The following CALN1 variants were observed in gnomAD, a reference collection of about 807,000 sequenced individuals.
CALN1 encodes calneuron 1.
A neutral mutation model predicts 30.6 loss-of-function variants in CALN1; 17 were observed. The ratio of observed to expected loss-of-function variants is 0.56; its 90% CI spans 0.38 to 0.83. The LOEUF is 0.83. Among genes scored for constraint, CALN1 ranks in the 40% least tolerant of loss-of-function variants. The pLI is 0.00. For synonymous variants in CALN1, 156 were observed against 131.4 expected (o/e 1.19, Z -1.28); for missense variants, 291 against 354.9 (o/e 0.82, Z 1.45).
intron 3 of CALN1, among the ~76,000 whole-genome samples, chr7:72,250,627 T>C (rs555284424): frequency 1.3e-5 from 2 of 152,166 alleles, no homozygotes; most frequent in South Asian, 2.1e-4. Flanking sequence ...CATGAATGGT[T>C]TGGTGCCCTC....
At chr7:72,096,132 A>G (rs2129540237) in intron 4 of CALN1, among the ~76,000 whole-genome samples, 1 of 152,308 alleles carries the variant, frequency 6.6e-6, no homozygotes, top group South Asian at 2.1e-4. Context: ...TGATTCAGCA[A>G]GTCAGGGGTA....
intron 6 of CALN1, among the ~76,000 whole-genome samples, chr7:71,798,398 T>A (rs1424380009): frequency 6.6e-6 from 1 of 152,094 alleles, no homozygotes; most frequent in Non-Finnish European, 1.5e-5. Context: ...CACTACAGCC[T>A]CAATCTCTTA....
intron 3 of CALN1, among the ~76,000 whole-genome samples, chr7:72,142,169 T>A (rs1374064584): frequency 6.6e-6 from 1 of 152,048 alleles, no homozygotes; most frequent in Non-Finnish European, 1.5e-5. Context: ...CGAAGCAGGG[T>A]GAGGCATCGC....
intron 3 of CALN1, among the ~76,000 whole-genome samples, chr7:72,262,077 T>C (rs1033554254): frequency 2.6e-5 from 4 of 152,182 alleles, no homozygotes; most frequent in African/African-American, 9.7e-5. Context: ...TGTGCTCAAC[T>C]CAAAGAGAGG....
intron 3 of CALN1, among the ~76,000 whole-genome samples, chr7:72,136,410 A>C (rs1364816955): frequency 6.8e-6 from 1 of 146,396 alleles, no homozygotes; most frequent in Non-Finnish European, 1.5e-5. Flanking sequence ...AATTGAAAAG[A>C]GTTGGGGCCT....
At chr7:72,459,170 C>T in the CALN1 span, among the ~76,000 whole-genome samples, 1 of 151,996 alleles carries the variant, frequency 6.6e-6, no homozygotes, top group Non-Finnish European at 1.5e-5. Context: ...TCCCAAAGTG[C>T]TGGGATTACA....
At chr7:71,994,069 C>T (rs1410257210) in intron 5 of CALN1, among the ~76,000 whole-genome samples, 1 of 151,176 alleles carries the variant, frequency 6.6e-6, no homozygotes, top group Non-Finnish European at 1.5e-5. Context: ...AAAAATATGT[C>T]TCTTGAGTAA....
chr7:72,473,113 C>CT, the CALN1 span, among the ~76,000 whole-genome samples: 2 of 150,396 alleles, frequency 1.3e-5, no homozygotes, highest in Non-Finnish European at 2.9e-5. Flanking sequence ...GCAATCTGTT[C>CT]TTTTTGTTTT....
At chr7:72,319,145 A>G (rs1016236857) in intron 2 of CALN1, among the ~76,000 whole-genome samples, 1 of 152,216 alleles carries the variant, frequency 6.6e-6, no homozygotes, top group African/African-American at 2.4e-5. Flanking sequence ...GTGTCCATCA[A>G]TCGAGGACTG....
intron 5 of CALN1, among the ~76,000 whole-genome samples, chr7:71,847,993 T>G (rs886433518): frequency 6.6e-6 from 1 of 152,146 alleles, no homozygotes; most frequent in African/African-American, 2.4e-5. Context: ...AATCTCCTTT[T>G]CTTTATAAAT....
chr7:72,247,184 G>C (rs1395990637), intron 3 of CALN1, among the ~76,000 whole-genome samples: 3 of 147,520 alleles, frequency 2.0e-5, no homozygotes, highest in Admixed American at 1.4e-4. Context: ...TGAACTTCGT[G>C]GGTCCTTGGT....
intron 6 of CALN1, among the ~76,000 whole-genome samples, chr7:71,796,014 A>G (rs1296779959): frequency 1.3e-5 from 2 of 150,040 alleles, no homozygotes; most frequent in African/African-American, 4.9e-5. Flanking sequence ...TTTAGCAGAG[A>G]TGAGATTTCA....
chr7:72,025,065 C>A (rs747338406), intron 4 of CALN1, among the ~76,000 whole-genome samples: 1 of 152,130 alleles, frequency 6.6e-6, no homozygotes, highest in Non-Finnish European at 1.5e-5. Flanking sequence ...AATCCCAGCA[C>A]TTTGGAAGGC....
At chr7:72,166,725 G>A (rs1048139425) in intron 3 of CALN1, among the ~76,000 whole-genome samples, 1 of 152,190 alleles carries the variant, frequency 6.6e-6, no homozygotes, top group Admixed American at 6.5e-5. Context: ...GAGTTTACTT[G>A]TTGGCTACCT....
At chr7:72,274,674 G>A (rs569809964) in intron 3 of CALN1, among the ~76,000 whole-genome samples, 4 of 152,176 alleles carry the variant, frequency 2.6e-5, no homozygotes, top group African/African-American at 4.8e-5. Context: ...CTGGATAGAC[G>A]TAAGCTCCTT....
At chr7:72,444,555 T>G (rs1808462099) in intron 1 of CALN1, among the ~76,000 whole-genome samples, 2 of 152,180 alleles carry the variant, frequency 1.3e-5, no homozygotes, top group African/African-American at 4.8e-5. Flanking sequence ...CCAGGCCCTT[T>G]GCTAGCTTTT....
rs1353298285 is a variant in CALN1, at chr7:72,215,899, C to A, written c.244+62787G>T. Among the ~76,000 whole-genome samples, 4 of 152,112 alleles carry A rather than the reference C, an allele frequency of 2.6e-5. No homozygotes were observed. The East Asian group carries it at 7.7e-4, about 29-fold the overall frequency. ...GGCCACTTCTACCCAACACAGGATT[C>A]CTCTAATGGGCAATCTTTGCTGCAG... On this transcript the variant is annotated intron_variant, in intron 3 of 6. Coordinates refer to ENST00000395275, the MANE Select transcript of CALN1 (RefSeq NM_031468.4).
chr7:71,823,574 C>T (rs571887663), intron 5 of CALN1, among the ~76,000 whole-genome samples: 25 of 152,052 alleles, frequency 1.6e-4, no homozygotes, highest in African/African-American at 5.1e-4. Context: ...AAAAATTAGC[C>T]GGGCATGGTG....
At chr7:71,956,663 A>G (rs1274361397) in intron 5 of CALN1, among the ~76,000 whole-genome samples, 3 of 151,700 alleles carry the variant, frequency 2.0e-5, no homozygotes, top group Non-Finnish European at 4.4e-5. Flanking sequence ...GTGCAGGCAC[A>G]CAGCAAGCCA....
Sources: allele counts gnomAD v4.1 joint callset (sites outside exome capture counted in the v4.1 genomes callset), GRCh38; gene constraint gnomAD v4.1.1; transcripts MANE v1.5; gene names NCBI Gene and HGNC (gene_info 2026-07-23, HGNC 2026-07-21).